ITPR1: variants seen among roughly 807,000 people sequenced by gnomAD.
ITPR1 encodes inositol 1,4,5-trisphosphate-gated calcium channel ITPR1.
A neutral mutation model predicts 318.4 loss-of-function variants in ITPR1; 96 were observed. The ratio of observed to expected loss-of-function variants is 0.30; its 90% CI spans 0.26 to 0.36. ITPR1 has a LOEUF of 0.36. Among genes scored for constraint, ITPR1 ranks in the 10% least tolerant of loss-of-function variants. ITPR1 has a pLI of 1.00. For synonymous variants in ITPR1, 1,312 were observed against 1,289.9 expected (o/e 1.02, Z -0.37); for missense variants, 2,440 against 3,460.2 (o/e 0.71, Z 7.40).
intron 61 of ITPR1, among the ~76,000 whole-genome samples, chr3:4,844,568 A>T (rs1321394684): frequency 6.6e-6 from 1 of 152,250 alleles, no homozygotes; most frequent in Non-Finnish European, 1.5e-5. Flanking sequence ...ACTATCAGGT[A>T]GTAAGATGAA....
At chr3:4,508,792 C>CG (rs1237144377) in intron 2 of ITPR1, among the ~76,000 whole-genome samples, 1 of 152,080 alleles carries the variant, frequency 6.6e-6, no homozygotes, top group Non-Finnish European at 1.5e-5. Context: ...TGTTAGAAGG[C>CG]GGGGGAGTTG....
chr3:4,759,182 G>A (rs2125360226), intron 44 of ITPR1, among the ~76,000 whole-genome samples: 1 of 152,368 alleles, frequency 6.6e-6, no homozygotes, highest in East Asian at 1.9e-4. Flanking sequence ...TGTTCCTGAA[G>A]CAAGGCAGGC....
chr3:4,730,613 G>A (rs914652971), intron 42 of ITPR1, among the ~76,000 whole-genome samples: 5 of 151,902 alleles, frequency 3.3e-5, no homozygotes, highest in South Asian at 2.1e-4. Context: ...TGGCGTCCAC[G>A]TGCTCCTTTC....
chr3:4,693,044 A>C (rs972209531), intron 32 of ITPR1, among the ~76,000 whole-genome samples: 20 of 152,150 alleles, frequency 1.3e-4, no homozygotes, highest in Admixed American at 2.0e-4. Context: ...CGCTTGAACC[A>C]ACCTGGGAGG....
At chr3:4,796,829 G>A (rs746009062) in intron 53 of ITPR1, among the ~76,000 whole-genome samples, 1 of 152,216 alleles carries the variant, frequency 6.6e-6, no homozygotes, top group East Asian at 1.9e-4. Flanking sequence ...TCCTTTATGT[G>A]AAGAGATGTT....
intron 4 of ITPR1, among the ~76,000 whole-genome samples, chr3:4,578,230 A>G (rs1242600715): frequency 6.6e-6 from 1 of 152,150 alleles, no homozygotes; most frequent in Non-Finnish European, 1.5e-5. Context: ...GAGGTTAAAA[A>G]CTAAATTATG....
chr3:4,736,024 C>T (rs1434553520), intron 44 of ITPR1, among the ~76,000 whole-genome samples: 2 of 152,186 alleles, frequency 1.3e-5, no homozygotes, highest in African/African-American at 4.8e-5. Context: ...CCACAACAGT[C>T]ATCTTAGAAC....
At chr3:4,623,958 A>G (rs979583500) in intron 4 of ITPR1, among the ~76,000 whole-genome samples, 2 of 152,140 alleles carry the variant, frequency 1.3e-5, no homozygotes, top group African/African-American at 2.4e-5. Context: ...ATTTAAATAC[A>G]CCCTCTCACC....
Position 4,680,675 on chromosome 3 carries a change from G to T in ITPR1, c.3090G>T (p.Gly1030=). 6.2e-7 allele frequency: 1 copy of T among 1,612,082 alleles called. No homozygotes were observed. The highest frequency in any genetic ancestry group is 8.5e-7 in the Non-Finnish European group (1 of 1,178,972). ...CCTCCGGAAACAGCAGCCAAGAAGG[G>T]CCAAGTAATGTACCAGGTTAGTGAT... The part of the protein sequence containing the change: ...ETSSGNSSQE[G]PSNVPGALDF... The change falls in exon 25 of 62, where the codon GGG becomes GGT. Residue 1030 remains glycine (G), a synonymous_variant. Coordinates refer to ENST00000649015, the MANE Select transcript of ITPR1 (RefSeq NM_001378452.1).
chr3:4,665,060 C>A, intron 16 of ITPR1, 78 bp from the exon 17 acceptor site: 1 of 1,478,722 alleles, frequency 6.8e-7, no homozygotes, highest in Non-Finnish European at 9.4e-7. Context: ...CACCCTTGAG[C>A]TTGCATTACT....
intron 12 of ITPR1, among the ~76,000 whole-genome samples, chr3:4,656,956 T>G (rs1344565746): frequency 6.6e-6 from 1 of 152,222 alleles, no homozygotes; most frequent in Non-Finnish European, 1.5e-5. Context: ...GCCCCCTCCT[T>G]GAATATCTGT....
chr3:4,532,158 G>A (rs2083468503), intron 4 of ITPR1, among the ~76,000 whole-genome samples: 1 of 152,144 alleles, frequency 6.6e-6, no homozygotes, highest in African/African-American at 2.4e-5. Flanking sequence ...TGTGAGGACA[G>A]AAACCATGCC....
At chr3:4,513,124 C>G (rs749068260) in intron 2 of ITPR1, among the ~76,000 whole-genome samples, 1 of 152,110 alleles carries the variant, frequency 6.6e-6, no homozygotes, top group African/African-American at 2.4e-5. Context: ...GATAAAGAGG[C>G]GGGCTCTCCC....
intron 49 of ITPR1, among the ~76,000 whole-genome samples, chr3:4,780,646 T>C (rs928368093): frequency 6.6e-6 from 1 of 152,214 alleles, no homozygotes; most frequent in Admixed American, 6.5e-5. Flanking sequence ...AGTCCCTTTA[T>C]GTATGCTTTT....
At chr3:4,836,586 T>C (rs896783441) in intron 60 of ITPR1, among the ~76,000 whole-genome samples, 188 bp from the exon 61 acceptor site, 10 of 152,090 alleles carry the variant, frequency 6.6e-5, no homozygotes, top group African/African-American at 1.9e-4. Flanking sequence ...CAGAGTTCCA[T>C]TGTATGCAAT....
intron 24 of ITPR1, among the ~76,000 whole-genome samples, chr3:4,678,672 C>G (rs2094234227): frequency 6.6e-6 from 1 of 152,200 alleles, no homozygotes; most frequent in African/African-American, 2.4e-5. Context: ...TCATGTGACT[C>G]CACATGGTAA....
chr3:4,504,287 T>C (rs2081246894), intron 2 of ITPR1, among the ~76,000 whole-genome samples: 1 of 152,080 alleles, frequency 6.6e-6, no homozygotes, highest in Non-Finnish European at 1.5e-5. Flanking sequence ...TATTTTTGTG[T>C]GTGTATGTGT....
intron 58 of ITPR1, 31 bp from the exon 59 acceptor site, chr3:4,815,022 C>G: frequency 6.3e-7 from 1 of 1,585,450 alleles, no homozygotes; most frequent in Non-Finnish European, 8.6e-7. Flanking sequence ...CGCAAGGGAC[C>G]CAGACTGATC....
At position 4,537,559 on chromosome 3, in the gene ITPR1, A is replaced by C. The variant is rs567620299; in HGVS notation, c.163+16465A>C. Among the ~76,000 whole-genome samples the C allele has an allele frequency of 2.4e-4, 37 of 152,308 alleles. 1 individual carries two copies. In the East Asian group the frequency reaches 4.2e-3, roughly 17 times the overall value. On this transcript the variant is annotated intron_variant, in intron 4 of 61. Transcript: ENST00000649015. ...CAGATGTGATTAATTAAGGCTCTTGAGATGGGGAGAGTATCCTGGATTTCC... is the reference window on the plus strand; with the variant it reads ...CAGATGTGATTAATTAAGGCTCTTGCGATGGGGAGAGTATCCTGGATTTCC...
Sources: allele counts gnomAD v4.1 joint callset (sites outside exome capture counted in the v4.1 genomes callset), GRCh38; gene constraint gnomAD v4.1.1; transcripts MANE v1.5; gene names NCBI Gene and HGNC (gene_info 2026-07-23, HGNC 2026-07-21).